Variants in HK1 observed in about 807,000 individuals in gnomAD.
HK1 encodes hexokinase 1, also known as hexokinase-1.
A neutral mutation model predicts 91.6 loss-of-function variants in HK1; 28 were observed. The observed-to-expected ratio is 0.31, with a 90% CI of 0.23 to 0.42. The LOEUF is 0.42. HK1 is among the 10% of genes least tolerant of loss of function. The pLI is 1.00. For synonymous variants in HK1, 430 were observed against 468.1 expected (o/e 0.92, Z 1.05); for missense variants, 770 against 1,219.8 (o/e 0.63, Z 5.49).
At chr10:69,281,489 A>C (rs1249904238) in intron 1 of HK1, among the ~76,000 whole-genome samples, 3 of 152,214 alleles carry the variant, frequency 2.0e-5, no homozygotes, top group Non-Finnish European at 4.4e-5. Flanking sequence ...AGGGGCCTCC[A>C]AAGAAAACTC....
chr10:69,346,646 G>A (rs1024229885), intron 2 of HK1, among the ~76,000 whole-genome samples: 1 of 151,750 alleles, frequency 6.6e-6, no homozygotes, highest in African/African-American at 2.4e-5. Flanking sequence ...GATTACAGGC[G>A]TGAGCCACCT....
Position 69,401,669 on chromosome 10 carries a change from G to A in HK1, c.*534G>A. On this transcript the variant is annotated 3_prime_UTR_variant, in exon 18 of 18. Transcript: ENST00000359426. ...TGGCATCGCATCGTGGTGTGTCAAT[G>A]CCACAAAATCGTGTGTCCGTGGAAC... 9.2e-6 allele frequency: 3 copies of A among 324,908 alleles called. No individual in the cohort carries two copies. Among genetic ancestry groups the A allele is most frequent in the South Asian group, 2.4e-5 (1 of 41,482 alleles). The allele number at this position is 324,908 out of a possible 1,614,324, so 20.1% of individuals were successfully genotyped here.
rs1840244976 is a variant in HK1, at chr10:69,398,588, C to T, written c.2376-7C>T. On this transcript the variant is annotated splice_polypyrimidine_tract_variant and splice_region_variant and intron_variant, in intron 16 of 17. Coordinates refer to ENST00000359426, the MANE Select transcript of HK1 (RefSeq NM_000188.3). Reference sequence around the variant, plus strand: ...TCATCCAGCCCTCTGGCTCTTGTCCCCCACAGTGACCGATTAGCACTGCTC... The same window carrying T: ...TCATCCAGCCCTCTGGCTCTTGTCCTCCACAGTGACCGATTAGCACTGCTC... 1.2e-6 allele frequency: 2 copies of T among 1,611,538 alleles called. No homozygotes were observed. Among genetic ancestry groups the T allele is most frequent in the Non-Finnish European group, 1.7e-6 (2 of 1,178,658 alleles).
intron 4 of HK1, among the ~76,000 whole-genome samples, chr10:69,367,238 G>A (rs747477651): frequency 2.6e-5 from 4 of 152,190 alleles, no homozygotes; most frequent in Admixed American, 2.0e-4. Flanking sequence ...GGCTGGGCCA[G>A]GGTACTTGCT....
intron 9 of HK1, among the ~76,000 whole-genome samples, chr10:69,381,367 A>G (rs1030103741): frequency 1.3e-5 from 2 of 152,136 alleles, no homozygotes; most frequent in Non-Finnish European, 2.9e-5. Flanking sequence ...TTTTTAAAAT[A>G]TTTTTAAAGT....
At chr10:69,270,236 C>T (rs985667144) in intron 1 of HK1, 4 of 152,214 alleles carry the variant, frequency 2.6e-5, no homozygotes, top group South Asian at 2.1e-4. Context: ...TTAACCTCCC[C>T]AGCAGCTGGG....
chr10:69,358,419 C>A (rs894400901), intron 2 of HK1, among the ~76,000 whole-genome samples: 1 of 152,204 alleles, frequency 6.6e-6, no homozygotes, highest in African/African-American at 2.4e-5. Flanking sequence ...CCATAGCAGA[C>A]CAGTACTTTG....
At chr10:69,296,473 T>C (rs1845567804) in intron 4 of HK1, 1 of 152,104 alleles carries the variant, frequency 6.6e-6, no homozygotes, top group African/African-American at 2.4e-5. Context: ...TAAATAAGAC[T>C]CGGTCTCCAG....
chr10:69,354,824 T>A (rs1164280788), intron 2 of HK1, among the ~76,000 whole-genome samples: 3 of 152,048 alleles, frequency 2.0e-5, no homozygotes, highest in Non-Finnish European at 4.4e-5. Context: ...TCCTAGCACT[T>A]TGGGAGGCCA....
chr10:69,331,182 A>C (rs1432181144), intron 1 of HK1, among the ~76,000 whole-genome samples: 1 of 152,152 alleles, frequency 6.6e-6, no homozygotes, highest in Non-Finnish European at 1.5e-5. Context: ...GCCGGGCCAG[A>C]GTTACCTGTT....
intron 1 of HK1, among the ~76,000 whole-genome samples, chr10:69,326,902 G>A (rs1279836863): frequency 2.0e-5 from 3 of 151,258 alleles, no homozygotes; most frequent in African/African-American, 7.3e-5. Context: ...ACAGTATATG[G>A]TATTGCTTTA....
chr10:69,294,107 C>T (rs1344236321), intron 3 of HK1, among the ~76,000 whole-genome samples: 3 of 152,058 alleles, frequency 2.0e-5, no homozygotes, highest in African/African-American at 4.8e-5. Context: ...GTGATCCACC[C>T]GCCTCGGCCT....
In HK1 at chr10:69,338,458, G is replaced by A. The variant is rs1044659442; in HGVS notation, c.64-5369G>A. 7.9e-6 allele frequency: 10 copies of A among 1,273,516 alleles called. No individual in the cohort carries two copies. The Admixed American group carries it at 2.3e-4, about 30-fold the overall frequency. 78.9% of individuals were successfully genotyped at this position (1,273,516 alleles called of 1,614,324 possible). ...TGAGAGGGAGCATTTGAGGGCCTGG[G>A]TTTCTGTCATGACTCCTGGGAACCT... On this transcript the variant is annotated intron_variant, in intron 1 of 17. Coordinates refer to ENST00000359426, the MANE Select transcript of HK1 (RefSeq NM_000188.3).
intron 2 of HK1, among the ~76,000 whole-genome samples, chr10:69,345,217 TC>T: frequency 6.6e-6 from 1 of 152,220 alleles, no homozygotes; most frequent in South Asian, 2.1e-4. Flanking sequence ...GGGGTCTACT[TC>T]ATGCTCACAT....
chr10:69,397,264 C>T (rs1589592794), intron 16 of HK1, among the ~76,000 whole-genome samples: 1 of 148,302 alleles, frequency 6.7e-6, no homozygotes, highest in African/African-American at 2.4e-5. Flanking sequence ...TTTACATTCC[C>T]ACCAGCAGCC....
intron 2 of HK1, among the ~76,000 whole-genome samples, chr10:69,358,374 C>T (rs1849238760): frequency 6.6e-6 from 1 of 152,180 alleles, no homozygotes; most frequent in African/African-American, 2.4e-5. Context: ...TGAGGCCCAC[C>T]CCAGTGCTGC....
At chr10:69,285,162 C>A (rs1369741435) in intron 2 of HK1, among the ~76,000 whole-genome samples, 1 of 150,558 alleles carries the variant, frequency 6.6e-6, no homozygotes, top group Non-Finnish European at 1.5e-5. Context: ...AGGCCGGGCG[C>A]GGTGGCTCAC....
chr10:69,340,871 T>A (rs1393054589), intron 1 of HK1, among the ~76,000 whole-genome samples: 1 of 152,122 alleles, frequency 6.6e-6, no homozygotes, highest in Non-Finnish European at 1.5e-5. Flanking sequence ...CTCTGGACAG[T>A]CTTTCCAGGC....
upstream of HK1, among the ~76,000 whole-genome samples, chr10:69,315,451 TAG>T (rs1846586749): frequency 6.6e-6 from 1 of 151,524 alleles, no homozygotes; most frequent in African/African-American, 2.4e-5. Context: ...AGTAAATGAG[TAG>T]AGAGAGTTCA....
Sources: allele counts gnomAD v4.1 joint callset (sites outside exome capture counted in the v4.1 genomes callset), GRCh38; gene constraint gnomAD v4.1.1; transcripts MANE v1.5; gene names NCBI Gene and HGNC (gene_info 2026-07-23, HGNC 2026-07-21).